Variants in ANKRD36 observed in about 807,000 individuals in gnomAD.
ANKRD36 encodes ankyrin repeat domain 36.
Under a neutral mutation model 278.1 loss-of-function variants are expected in ANKRD36, and 179 were observed. The observed-to-expected ratio is 0.64, with a 90% CI of 0.57 to 0.73. The LOEUF is 0.73. Ranked by LOEUF, ANKRD36 falls within the 30% of genes least tolerant of loss-of-function variation. The pLI, the probability that ANKRD36 is intolerant of heterozygous loss-of-function variation, is 0.00. For synonymous variants in ANKRD36, 320 were observed against 641.1 expected (o/e 0.50, Z 7.57); for missense variants, 1,159 against 1,956.7 (o/e 0.59, Z 7.69).
chr2:97,180,158 A>G (rs79161987), intron 24 of ANKRD36, among the ~76,000 whole-genome samples: 1 of 151,582 alleles, frequency 6.6e-6, no homozygotes, highest in Admixed American at 6.6e-5. Flanking sequence ...TTGGGAAGAA[A>G]AACCATTGGA....
chr2:97,160,390 G>C (rs1294157997), intron 17 of ANKRD36, among the ~76,000 whole-genome samples: 1 of 151,964 alleles, frequency 6.6e-6, no homozygotes, highest in Non-Finnish European at 1.5e-5. Flanking sequence ...TCCTACAGTT[G>C]GGACATTTTG....
intron 38 of ANKRD36, among the ~76,000 whole-genome samples, chr2:97,193,729 G>A (rs1183098786): frequency 2.0e-5 from 3 of 151,666 alleles, no homozygotes; most frequent in Non-Finnish European, 2.9e-5. Flanking sequence ...AGGCATCAGA[G>A]ATACATGTTT....
intron 6 of ANKRD36, among the ~76,000 whole-genome samples, chr2:97,139,527 A>C (rs1236942332): frequency 1.3e-5 from 2 of 152,056 alleles, no homozygotes; most frequent in Non-Finnish European, 2.9e-5. Flanking sequence ...TGTATGATCT[A>C]ATGATATGCC....
chr2:97,181,810 CA>C lies in ANKRD36; in HGVS notation c.1837+18del. The C allele has an allele frequency of 6.2e-7, 1 of 1,602,938 alleles. No individual in the cohort carries two copies. Among genetic ancestry groups the C allele is most frequent in the Non-Finnish European group, 8.5e-7 (1 of 1,174,744 alleles). On this transcript the variant is annotated intron_variant, in intron 26 of 75. Transcript: ENST00000420699. ...CTGGGACAGGTAATTTTGCAAAACACATTTAATGTCATGTTCAGTCAAGATA... is the reference window on the plus strand; with the variant it reads ...CTGGGACAGGTAATTTTGCAAAACACTTTAATGTCATGTTCAGTCAAGATA...
chr2:97,199,867 C>T (rs564156735), intron 44 of ANKRD36, among the ~76,000 whole-genome samples: 12 of 151,982 alleles, frequency 7.9e-5, no homozygotes, highest in East Asian at 2.0e-4. Context: ...GGAGTGTCAT[C>T]GTAATTGTGT....
intron 67 of ANKRD36, among the ~76,000 whole-genome samples, chr2:97,229,020 C>G (rs201587435): frequency 8.6e-4 from 131 of 152,100 alleles, no homozygotes; most frequent in East Asian, 8.1e-3. Context: ...TATACTTTCT[C>G]TTCTTTTACA....
chr2:97,216,015 T>C (rs1296737703), intron 62 of ANKRD36, among the ~76,000 whole-genome samples: 2 of 151,844 alleles, frequency 1.3e-5, no homozygotes, highest in African/African-American at 4.8e-5. Flanking sequence ...TTGGGGTTTC[T>C]GTTGAGGAAA....
At chr2:97,250,480 T>G (rs1254533709) in intron 75 of ANKRD36, among the ~76,000 whole-genome samples, 1 of 122,160 alleles carries the variant, frequency 8.2e-6, no homozygotes, top group Non-Finnish European at 1.5e-5. Flanking sequence ...ACTGAAACTG[T>G]TCTCACAAAA....
chr2:97,173,756 A>G (rs1278210687), intron 22 of ANKRD36, among the ~76,000 whole-genome samples: 1 of 151,794 alleles, frequency 6.6e-6, no homozygotes, highest in East Asian at 1.9e-4. Flanking sequence ...AAGTCGCTTA[A>G]TGGAAAGCAG....
chr2:97,142,984 G>A (rs2043306820), intron 8 of ANKRD36, 149 bp downstream of exon 8: 7 of 1,105,296 alleles, frequency 6.3e-6, no homozygotes, highest in East Asian at 2.6e-5. Flanking sequence ...CTCGGGTGAC[G>A]CCGATGCTAC....
chr2:97,158,111 T>C lies in ANKRD36; in HGVS notation c.1265T>C (p.Ile422Thr). Residue 422 changes from isoleucine (I) to threonine (T), a missense_variant, in exon 16 of 76, where the codon ATT becomes ACT. By Grantham distance (89) the Ile-to-Thr change is moderately conservative (BLOSUM62 -1). Transcript: ENST00000420699. ...TAAACCTATTGTGTCTTCTAGAATA[T>C]TTCAGAACCATACTTTACGAACAGA... is the stretch of plus-strand genomic sequence containing the variant. ...KDKFALESEN[I>T]SEPYFTNRRT... 2 of 1,507,112 alleles carry C rather than the reference T, an allele frequency of 1.3e-6. No individual in the cohort carries two copies. The highest frequency in any genetic ancestry group is 1.8e-6 in the Non-Finnish European group (2 of 1,121,026). 93.4% of individuals were successfully genotyped at this position (1,507,112 alleles called of 1,614,324 possible). A position where few individuals can be genotyped will look rare whatever the true frequency, so the allele number is the denominator to read the frequency against.
chr2:97,124,072 C>T (rs2037846580), intron 4 of ANKRD36, among the ~76,000 whole-genome samples: 1 of 150,820 alleles, frequency 6.6e-6, no homozygotes, highest in Non-Finnish European at 1.5e-5. Context: ...TGTTTTAAGC[C>T]TGCAGATAGC....
At chr2:97,222,954 T>C (rs1163949724) in intron 66 of ANKRD36, among the ~76,000 whole-genome samples, 1 of 152,108 alleles carries the variant, frequency 6.6e-6, no homozygotes, top group African/African-American at 2.4e-5. Flanking sequence ...CAAAAAGTTA[T>C]AGCATTCATT....
At position 97,205,909 on chromosome 2, in the gene ANKRD36, T is replaced by C. The variant is rs1336336987; in HGVS notation, c.3062-31T>C. The C allele has an allele frequency of 2.6e-6, 4 of 1,537,066 alleles. No homozygotes were observed. In the South Asian group the frequency reaches 4.8e-5, roughly 18 times the overall value. ...TGGATATCTTTATCATATTTACATA[T>C]GACTGATTATGAATCACTTTTGCTT... On this transcript the variant is annotated intron_variant, in intron 50 of 75. Coordinates refer to ENST00000420699, the MANE Select transcript of ANKRD36 (RefSeq NM_001354587.1).
chr2:97,202,526 G>A lies in ANKRD36; in HGVS notation c.2959+133G>A, dbSNP rs2061675982. The A allele has an allele frequency of 5.7e-6, 8 of 1,407,168 alleles. No homozygotes were observed. The East Asian group carries it at 7.6e-5, about 13-fold the overall frequency. The allele number at this position is 1,407,168 out of a possible 1,614,324, so 87.2% of individuals were successfully genotyped here. On this transcript the variant is annotated intron_variant, in intron 48 of 75. Transcript: ENST00000420699. ...GCAGGCTGGAGATTCTTCATTTGTA[G>A]TAAGTTCTTGGGTGATGCTGATGCT...
intron 51 of ANKRD36, 22 bp downstream of exon 51, chr2:97,205,990 T>C (rs200762485): frequency 6.4e-7 from 1 of 1,550,518 alleles, no homozygotes; most frequent in South Asian, 1.2e-5. Flanking sequence ...CCCATTTATA[T>C]TGTGAACGAG....
intron 24 of ANKRD36, among the ~76,000 whole-genome samples, chr2:97,180,845 A>G (rs1395537745): frequency 6.6e-6 from 1 of 151,700 alleles, no homozygotes; most frequent in Non-Finnish European, 1.5e-5. Context: ...TGATTTCTGA[A>G]TGTAAAACTT....
chr2:97,121,846 G>A (rs946111071), intron 3 of ANKRD36, among the ~76,000 whole-genome samples: 2 of 150,554 alleles, frequency 1.3e-5, no homozygotes, highest in Non-Finnish European at 1.5e-5. Context: ...TATGTACCAG[G>A]GTCCTAAGAT....
Position 97,124,558 on chromosome 2 carries a change from AG to A in ANKRD36, c.693del (p.Ile232LeufsTer17). The A allele has an allele frequency of 6.4e-7, 1 of 1,552,950 alleles. No individual in the cohort carries two copies. The highest frequency in any genetic ancestry group is 8.7e-7 in the Non-Finnish European group (1 of 1,147,322). ...GTGCTTTCTCGAGATGCGTTTCGAA[AG>A]ATTGCAGGAGATTATGCCATTGAGG... The part of the protein sequence containing the change: ...IDVLSRDAFR[K>X]IAGDYAIEAK... On this transcript the variant is annotated frameshift_variant, in exon 5 of 76. Coordinates refer to ENST00000420699, the MANE Select transcript of ANKRD36 (RefSeq NM_001354587.1). LOFTEE classifies it high-confidence loss of function.
Sources: allele counts gnomAD v4.1 joint callset (sites outside exome capture counted in the v4.1 genomes callset), GRCh38; gene constraint gnomAD v4.1.1; transcripts MANE v1.5; gene names NCBI Gene and HGNC (gene_info 2026-07-23, HGNC 2026-07-21).